The following PCDH9 variants were observed in gnomAD, a reference collection of about 807,000 sequenced individuals.
PCDH9 encodes protocadherin-9.
In PCDH9, 24 loss-of-function variants were observed where a neutral mutation model predicts 70.6. The observed-to-expected ratio is 0.34, with a 90% CI of 0.25 to 0.48. The LOEUF (loss-of-function observed/expected upper bound fraction) is 0.48, where lower values mean the gene tolerates loss of function less well. Ranked by LOEUF, PCDH9 falls within the 20% of genes least tolerant of loss-of-function variation. The probability of loss-of-function intolerance (pLI) is 0.99; values close to 1 mark genes in which losing one functional copy is unlikely to be tolerated. For missense variants in PCDH9, 1,281 were observed against 1,503.6 expected, an observed-to-expected ratio of 0.85 and a Z score of 2.45; for synonymous variants, 562 against 558.5, an observed-to-expected ratio of 1.01 and a Z score of -0.09.
chr13:66,354,657 CTT>C (rs943312880), intron 4 of PCDH9, among the ~76,000 whole-genome samples: 1 of 152,018 alleles, frequency 6.6e-6, no homozygotes, highest in African/African-American at 2.4e-5. Flanking sequence ...GAAATTTAGA[CTT>C]ATAAAATAAT....
chr13:66,726,318 G>A (rs2079004683), intron 3 of PCDH9, among the ~76,000 whole-genome samples: 1 of 152,104 alleles, frequency 6.6e-6, no homozygotes, highest in Non-Finnish European at 1.5e-5. Context: ...GAAGACAAAG[G>A]GTGGTCTTGA....
chr13:67,162,744 A>G (rs1195309181), intron 2 of PCDH9, among the ~76,000 whole-genome samples: 1 of 152,112 alleles, frequency 6.6e-6, no homozygotes, highest in Non-Finnish European at 1.5e-5. Flanking sequence ...CAGATCGAGT[A>G]CCCCCTAGAC....
intron 2 of PCDH9, among the ~76,000 whole-genome samples, chr13:67,118,000 A>T (rs2086810114): frequency 6.6e-6 from 1 of 152,172 alleles, no homozygotes; most frequent in Admixed American, 6.5e-5. Flanking sequence ...CTCCATAAAT[A>T]AAAAATGACT....
At chr13:66,742,793 G>T (rs1041694365) in intron 3 of PCDH9, among the ~76,000 whole-genome samples, 6 of 149,202 alleles carry the variant, frequency 4.0e-5, no homozygotes, top group African/African-American at 1.5e-4. Flanking sequence ...ACCACTATGA[G>T]ATATCATCTC....
At chr13:66,684,302 C>T (rs1195896210) in intron 3 of PCDH9, among the ~76,000 whole-genome samples, 1 of 152,134 alleles carries the variant, frequency 6.6e-6, no homozygotes, top group Non-Finnish European at 1.5e-5. Context: ...ACTCTGATCG[C>T]TATAATCTTA....
chr13:67,222,262 T>A (rs1593646401), intron 2 of PCDH9: 2 of 129,238 alleles, frequency 1.5e-5, no homozygotes, highest in Non-Finnish European at 3.3e-5. Flanking sequence ...TTTTTACAAA[T>A]AATTACCGAG....
intron 2 of PCDH9, among the ~76,000 whole-genome samples, chr13:67,143,137 A>T (rs985791689): frequency 6.6e-6 from 1 of 152,200 alleles, no homozygotes; most frequent in East Asian, 1.9e-4. Flanking sequence ...CTTTCTCCTA[A>T]TGTATATTAA....
At chr13:66,872,479 A>G (rs1013165732) in intron 3 of PCDH9, among the ~76,000 whole-genome samples, 5 of 152,146 alleles carry the variant, frequency 3.3e-5, no homozygotes, top group Non-Finnish European at 5.9e-5. Context: ...GCATACAGTA[A>G]TTCTTTACAA....
intron 4 of PCDH9, among the ~76,000 whole-genome samples, chr13:66,603,711 A>T (rs946568282): frequency 6.6e-6 from 1 of 152,004 alleles, no homozygotes; most frequent in African/African-American, 2.4e-5. Flanking sequence ...TATGGCATGT[A>T]TCTGGTGCCC....
At chr13:66,995,964 ATTT>A (rs3043131) in intron 2 of PCDH9, among the ~76,000 whole-genome samples, 1,829 of 152,118 alleles carry the variant, frequency 0.012, 40 homozygotes, top group African/African-American at 0.041. Context: ...AACTTCATTT[ATTT>A]TTTTTCAATA....
chr13:67,220,989 G>T (rs962940718), intron 2 of PCDH9: 2 of 152,004 alleles, frequency 1.3e-5, no homozygotes, highest in Admixed American at 1.3e-4. Context: ...ATATCCAAGG[G>T]CTCTGGGTAT....
At chr13:66,873,036 T>G (rs2081726002) in intron 3 of PCDH9, among the ~76,000 whole-genome samples, 2 of 152,284 alleles carry the variant, frequency 1.3e-5, no homozygotes, top group East Asian at 3.9e-4. Flanking sequence ...AACCTCTTAA[T>G]GTGTATATAG....
chr13:67,001,541 T>A (rs1205194239), intron 2 of PCDH9, among the ~76,000 whole-genome samples: 7 of 152,182 alleles, frequency 4.6e-5, no homozygotes, highest in Admixed American at 4.6e-4. Context: ...TACAGCATTC[T>A]AAGTACCTAG....
At chr13:66,360,731 A>G (rs1956456638) in intron 4 of PCDH9, among the ~76,000 whole-genome samples, 1 of 152,090 alleles carries the variant, frequency 6.6e-6, no homozygotes, top group Non-Finnish European at 1.5e-5. Context: ...TCAGTGATTG[A>G]TTGCATTAAA....
chr13:67,093,852 ATTAT>A (rs997813519), intron 2 of PCDH9, among the ~76,000 whole-genome samples: 2 of 152,150 alleles, frequency 1.3e-5, no homozygotes, highest in Non-Finnish European at 2.9e-5. Context: ...AAGTTCCAAT[ATTAT>A]TTATCAATTT....
intron 2 of PCDH9, chr13:67,209,927 C>T (rs1285986615): frequency 6.6e-6 from 1 of 151,962 alleles, no homozygotes; most frequent in Admixed American, 6.6e-5. Flanking sequence ...AAGAAACTGC[C>T]TATAAAATCA....
chr13:67,186,960 A>T (rs532215313), intron 2 of PCDH9, among the ~76,000 whole-genome samples: 1 of 152,342 alleles, frequency 6.6e-6, no homozygotes, highest in East Asian at 1.9e-4. Context: ...AGAGGGAGAC[A>T]TCATTAACTT....
At chr13:66,357,074 A>G (rs145010687) in intron 4 of PCDH9, among the ~76,000 whole-genome samples, 2 of 152,218 alleles carry the variant, frequency 1.3e-5, no homozygotes, top group African/African-American at 4.8e-5. Context: ...TGGAACTTGC[A>G]GCTTCTGGAA....
chr13:66,709,925 A>G (rs1763775080), intron 3 of PCDH9, among the ~76,000 whole-genome samples: 1 of 152,184 alleles, frequency 6.6e-6, no homozygotes, highest in East Asian at 1.9e-4. Flanking sequence ...CAAGGTCTAG[A>G]CTGTCAGCAA....
Sources: allele counts gnomAD v4.1 joint callset (sites outside exome capture counted in the v4.1 genomes callset), GRCh38; gene constraint gnomAD v4.1.1; transcripts MANE v1.5; gene names NCBI Gene and HGNC (gene_info 2026-07-23, HGNC 2026-07-21).